The following ABR variants were observed in gnomAD, a reference collection of about 807,000 sequenced individuals.
The protein encoded by ABR is active breakpoint cluster region-related protein.
A neutral mutation model predicts 107.2 loss-of-function variants in ABR; 35 were observed. That is an observed-to-expected ratio of 0.33 (90% confidence interval 0.25 to 0.43). The LOEUF is 0.43. ABR is among the 20% of genes least tolerant of loss of function. The pLI, the probability that ABR is intolerant of heterozygous loss-of-function variation, is 1.00. For missense variants in ABR, 815 were observed against 1,115.2 expected (o/e 0.73, Z 3.83); for synonymous variants, 498 against 462.0 (o/e 1.08, Z -1.00).
rs186201855 is a variant in ABR at position 1,040,318 on chromosome 17, G to A, written c.1791+9732C>T. ...CTGCCCTGGCGGGCTCCGGCCCCAC[G>A]TTCTCTGCAAGCTTCCTCGTGCTCT... On this transcript the variant is annotated intron_variant, in intron 16 of 22. Transcript: ENST00000302538. 9.7e-4 allele frequency among the ~76,000 whole-genome samples: 147 copies of A among 152,328 alleles called. 3 individuals are homozygous for A. Among genetic ancestry groups the A allele is most frequent in the African/African-American group, 2.2e-3 (93 of 41,582 alleles).
chr17:1,061,558 TTTG>T (rs1349505321), intron 10 of ABR, among the ~76,000 whole-genome samples: 2 of 82,410 alleles, frequency 2.4e-5, no homozygotes, highest in Non-Finnish European at 2.6e-5. Flanking sequence ...CCTTTTTTTT[TTTG>T]AGATGGAGTC....
At position 1,005,112 on chromosome 17, in the gene ABR, C is replaced by T. The variant is rs118178620; in HGVS notation, c.*968G>A. The stretch of plus-strand genomic sequence containing the variant: ...CAGCGTGGCATGTGCATTCCTCCCC[C>T]GTTCAGCCTGTGGTGTTTCCTCAGC... On this transcript the variant is annotated 3_prime_UTR_variant, in exon 23 of 23. Transcript: ENST00000302538. 0.055 allele frequency: 21,766 copies of T among 398,812 alleles called. 720 individuals carry two copies. The highest frequency in any genetic ancestry group is 0.099 in the South Asian group (775 of 7,864). 24.7% of individuals were successfully genotyped at this position (398,812 alleles called of 1,614,324 possible).
intron 9 of ABR, among the ~76,000 whole-genome samples, chr17:1,068,681 C>T (rs532949013): frequency 3.0e-4 from 46 of 152,304 alleles, no homozygotes; most frequent in African/African-American, 1.1e-3. Flanking sequence ...GAGAAGGAGG[C>T]TCAAAGGAGC....
rs767380707 is a variant in ABR at position 1,004,552 on chromosome 17, T to A, written c.*1528A>T. On this transcript the variant is annotated 3_prime_UTR_variant, in exon 23 of 23. Coordinates refer to ENST00000302538, the MANE Select transcript of ABR (RefSeq NM_021962.5). The stretch of plus-strand genomic sequence containing the variant: ...TGGCTATAAGTCGAGCCCCTGGAGC[T>A]GCATCTGCTCTCCTAGGCTGATGGC... The A allele has an allele frequency of 1.4e-4, 21 of 153,196 alleles. No homozygotes were observed. The highest frequency in any genetic ancestry group is 2.6e-4 in the Non-Finnish European group (18 of 68,656). The allele number at this position is 153,196 out of a possible 1,614,324, so 9.5% of individuals were successfully genotyped here. A position where few individuals can be genotyped will look rare whatever the true frequency, so the allele number is the denominator to read the frequency against.
intron 2 of ABR, among the ~76,000 whole-genome samples, chr17:1,117,765 G>A (rs1236683209): frequency 1.4e-5 from 1 of 69,016 alleles, no homozygotes; most frequent in Non-Finnish European, 2.8e-5. Context: ...TCCTCCCAGC[G>A]TTATCCCTGA....
intron 13 of ABR, 32 bp downstream of exon 13, chr17:1,056,966 C>A (rs1195833707): frequency 6.6e-7 from 1 of 1,514,974 alleles, no homozygotes; most frequent in Middle Eastern, 1.7e-4. Flanking sequence ...CTGGGACCTG[C>A]CGGTTGGGCC....
chr17:1,096,655 G>T (rs1014645009), intron 3 of ABR, among the ~76,000 whole-genome samples: 1 of 152,170 alleles, frequency 6.6e-6, no homozygotes, highest in Non-Finnish European at 1.5e-5. Context: ...GCCAAGCAGG[G>T]GCCCAGGAGG....
chr17:1,227,189 G>GC (rs755130487), intron 1 of ABR, among the ~76,000 whole-genome samples: 1 of 152,170 alleles, frequency 6.6e-6, no homozygotes, highest in Non-Finnish European at 1.5e-5. Context: ...GCATCAAGGT[G>GC]CCCTATGTGC....
chr17:1,057,113 A>T lies in ABR; in HGVS notation c.1382-11T>A. ...CAAAGGCCTGGAGATCTGGAGGGAG[A>T]GCCGAGAGAGAAGGGAGCGTGGGCA... On this transcript the variant is annotated splice_polypyrimidine_tract_variant and intron_variant, in intron 12 of 22. Transcript: ENST00000302538. 2 of 1,589,608 alleles carry T rather than the reference A, an allele frequency of 1.3e-6. No homozygotes were observed. The highest frequency in any genetic ancestry group is 1.7e-6 in the Non-Finnish European group (2 of 1,159,296).
intron 1 of ABR, among the ~76,000 whole-genome samples, chr17:1,209,485 C>T (rs886714957): frequency 3.3e-5 from 5 of 152,174 alleles, no homozygotes; most frequent in African/African-American, 1.2e-4. Flanking sequence ...CCATGTTGGC[C>T]AGGCTGGTCT....
intron 5 of ABR, among the ~76,000 whole-genome samples, chr17:1,082,058 C>A (rs1015062843): frequency 1.3e-5 from 2 of 152,116 alleles, no homozygotes; most frequent in Admixed American, 1.3e-4. Flanking sequence ...ACCGTCACCC[C>A]TGAAGTTTCA....
chr17:1,059,841 C>A (rs2033726907), intron 10 of ABR, among the ~76,000 whole-genome samples: 1 of 152,210 alleles, frequency 6.6e-6, no homozygotes, highest in African/African-American at 2.4e-5. Flanking sequence ...AAAGAATGTT[C>A]ACAGCCAGTG....
chr17:1,213,868 T>C (rs2042949755), intron 1 of ABR, among the ~76,000 whole-genome samples: 1 of 152,030 alleles, frequency 6.6e-6, no homozygotes. Flanking sequence ...GCTGTTTCTA[T>C]TTTGGAGAGA....
At chr17:1,153,882 G>A (rs949360446) in intron 1 of ABR, 4 of 203,286 alleles carry the variant, frequency 2.0e-5, no homozygotes, top group South Asian at 6.0e-5. Context: ...AACCTCGCCC[G>A]GCAACCATCT....
At chr17:1,140,785 G>A (rs1305312943) in intron 1 of ABR, among the ~76,000 whole-genome samples, 1 of 152,068 alleles carries the variant, frequency 6.6e-6, no homozygotes, top group African/African-American at 2.4e-5. Flanking sequence ...GTTTCACCAT[G>A]TTGGCCAGGC....
rs12604008 is a variant in ABR at position 1,005,523 on chromosome 17, C to T, written c.*557G>A. 52,516 of 206,496 alleles carry T rather than the reference C, an allele frequency of 0.25. 6,855 individuals carry two copies. Among genetic ancestry groups the T allele is most frequent in the Middle Eastern group, 0.32 (190 of 600 alleles). 12.8% of individuals were successfully genotyped at this position (206,496 alleles called of 1,614,324 possible). A position where few individuals can be genotyped will look rare whatever the true frequency, so the allele number is the denominator to read the frequency against. On this transcript the variant is annotated 3_prime_UTR_variant, in exon 23 of 23. Coordinates refer to ENST00000302538, the MANE Select transcript of ABR (RefSeq NM_021962.5). ...CCACTGCTGCCGCGGCAACCCAGGG[C>T]CTCTTCAGAGCTTTCAAGGCGATGG... is the stretch of plus-strand genomic sequence containing the variant.
intron 4 of ABR, among the ~76,000 whole-genome samples, chr17:1,088,651 T>C (rs2036794651): frequency 6.6e-6 from 1 of 151,966 alleles, no homozygotes; most frequent in Non-Finnish European, 1.5e-5. Context: ...AGTGGCACGA[T>C]CTCGGCTCAC....
At chr17:1,009,973 C>G (rs532227718) in intron 20 of ABR, 189 bp from the exon 21 acceptor site, 31 of 606,912 alleles carry the variant, frequency 5.1e-5, no homozygotes, top group East Asian at 5.0e-4. Context: ...GAGGCCCCAC[C>G]ACGACTGGTA....
intron 1 of ABR, among the ~76,000 whole-genome samples, chr17:1,159,688 A>G (rs186311592): frequency 0.037 from 1,192 of 31,988 alleles, 16 homozygotes; most frequent in East Asian, 0.063. Flanking sequence ...ACTCACACAC[A>G]GGAGAAGCAG....
Sources: gnomAD v4.1 joint callset for allele counts (sites outside exome capture counted in the v4.1 genomes callset) on GRCh38, gnomAD v4.1.1 for gene constraint, MANE v1.5 for transcripts, NCBI Gene and HGNC (gene_info 2026-07-23, HGNC 2026-07-21) for gene names.